Variants in PRMT3 observed in about 807,000 individuals in gnomAD.
The protein encoded by PRMT3 is protein arginine N-methyltransferase 3.
PRMT3 carries 62 observed loss-of-function variants against 71.9 expected under a neutral mutation model. That is an observed-to-expected ratio of 0.86 (90% CI 0.70 to 1.07). The LOEUF (loss-of-function observed/expected upper bound fraction) is 1.07. PRMT3 is among the 50% of genes least tolerant of loss of function. PRMT3 has a pLI of 0.00. For synonymous variants in PRMT3, 213 were observed against 220.4 expected (o/e 0.97, Z 0.30); for missense variants, 663 against 643.0 (o/e 1.03, Z -0.34).
At chr11:20,405,827 G>A (rs1849057591) in intron 8 of PRMT3, 3 of 152,012 alleles carry the variant, frequency 2.0e-5, no homozygotes, top group Admixed American at 2.0e-4. Context: ...TACAAAATTT[G>A]CCATCTTAGC....
At chr11:20,443,432 ATT>A (rs2133376095) in intron 10 of PRMT3, among the ~76,000 whole-genome samples, 1 of 152,278 alleles carries the variant, frequency 6.6e-6, no homozygotes, top group South Asian at 2.1e-4. Flanking sequence ...TTTGTCTCCT[ATT>A]TCCTCCATGT....
Position 20,388,009 on chromosome 11 carries a change from T to G in PRMT3, c.29-10T>G, listed in dbSNP as rs751247881. ...CCGAGGCCGATCTGATTGTTGTGTG[T>G]GTGTGTTAGGCGGCCGGGGCGCTGT... On this transcript the variant is annotated splice_polypyrimidine_tract_variant and intron_variant, in intron 1 of 15. Coordinates refer to ENST00000331079, the MANE Select transcript of PRMT3 (RefSeq NM_005788.4). The G allele has an allele frequency of 5.0e-6, 8 of 1,613,738 alleles. No individual in the cohort carries two copies. The highest frequency in any genetic ancestry group is 6.8e-6 in the Non-Finnish European group (8 of 1,179,946).
At chr11:20,390,073 C>A (rs1848680249) in intron 3 of PRMT3, among the ~76,000 whole-genome samples, 1 of 151,838 alleles carries the variant, frequency 6.6e-6, no homozygotes, top group Non-Finnish European at 1.5e-5. Context: ...ATTGCTTAAA[C>A]CTGGGAGGCA....
intron 15 of PRMT3, among the ~76,000 whole-genome samples, chr11:20,505,108 A>C (rs1590118824): frequency 6.6e-6 from 1 of 152,300 alleles, no homozygotes; most frequent in East Asian, 1.9e-4. Context: ...TAGAATTTTT[A>C]TACCTTGATC....
chr11:20,422,178 T>C (rs887006204), intron 9 of PRMT3, among the ~76,000 whole-genome samples: 3 of 152,212 alleles, frequency 2.0e-5, no homozygotes, highest in African/African-American at 7.2e-5. Context: ...AAGTAAGTGA[T>C]GTGTTTCCCT....
intron 11 of PRMT3, among the ~76,000 whole-genome samples, chr11:20,455,890 CTG>C (rs1190575439): frequency 1.3e-5 from 2 of 151,078 alleles, no homozygotes; most frequent in Non-Finnish European, 2.9e-5. Flanking sequence ...AAATTGTACA[CTG>C]TGAATTTCAG....
intron 10 of PRMT3, 73 bp from the exon 11 acceptor site, chr11:20,452,057 C>T (rs1009298937): frequency 4.8e-6 from 5 of 1,036,360 alleles, no homozygotes; most frequent in Non-Finnish European, 7.1e-6. Flanking sequence ...AGAGTAGCAC[C>T]GATGTTTAAA....
intron 10 of PRMT3, among the ~76,000 whole-genome samples, chr11:20,432,642 T>G (rs1032270322): frequency 9.2e-5 from 14 of 152,184 alleles, no homozygotes; most frequent in Non-Finnish European, 1.8e-4. Flanking sequence ...CTCTATACTC[T>G]TTTTCATAAT....
In PRMT3 at chr11:20,468,533, T is replaced by C. The variant is rs539137667; in HGVS notation, c.1347+3987T>C. 6.4e-4 allele frequency among the ~76,000 whole-genome samples: 98 copies of C among 152,250 alleles called. 1 individual carries two copies. The highest frequency in any genetic ancestry group is 1.2e-4 in the Non-Finnish European group (8 of 68,024). ...GCAGATGTGCGCCACCACAGCCGGC[T>C]AATTTTTGTATTTTTAGTAGAGACA... On this transcript the variant is annotated intron_variant, in intron 13 of 15. Transcript: ENST00000331079.
intron 9 of PRMT3, among the ~76,000 whole-genome samples, chr11:20,425,566 G>A (rs1326945131): frequency 2.6e-5 from 4 of 152,146 alleles, no homozygotes; most frequent in Non-Finnish European, 5.9e-5. Flanking sequence ...CTCAGCAGTA[G>A]CAAGGAACAA....
chr11:20,454,570 A>G (rs1302245214), intron 11 of PRMT3, among the ~76,000 whole-genome samples: 1 of 152,190 alleles, frequency 6.6e-6, no homozygotes, highest in African/African-American at 2.4e-5. Flanking sequence ...TAACAGAATC[A>G]AGAGAAAGAA....
chr11:20,421,702 G>C (rs1018578481), intron 9 of PRMT3, among the ~76,000 whole-genome samples: 3 of 151,962 alleles, frequency 2.0e-5, no homozygotes, highest in African/African-American at 7.3e-5. Context: ...TTGAGTCCTT[G>C]GTTATTTTTT....
chr11:20,418,522 T>C (rs1432938668), intron 9 of PRMT3, among the ~76,000 whole-genome samples: 2 of 152,204 alleles, frequency 1.3e-5, no homozygotes, highest in Non-Finnish European at 2.9e-5. Context: ...TACAAATAGG[T>C]TTATAACTTG....
intron 15 of PRMT3, among the ~76,000 whole-genome samples, chr11:20,497,512 T>TGTAA (rs10626552): frequency 0.86 from 130,007 of 151,674 alleles, 56,714 homozygotes; most frequent in Non-Finnish European, 0.95. Context: ...GAAAGGATCA[T>TGTAA]GTAAGTGTTA....
In PRMT3 at chr11:20,404,211, G is replaced by GTTTT. The variant is rs71063629; in HGVS notation, c.771+1265_771+1268dup. ...GTTACTATAGTGGAGACTTTTCATA[G>GTTTT]TTTTTTTTTTTTTTTTTTTTTTTTT... On this transcript the variant is annotated intron_variant, in intron 8 of 15. Transcript: ENST00000331079. Among the ~76,000 whole-genome samples the GTTTT allele has an allele frequency of 2.9e-4, 10 of 34,326 alleles. 1 individual carries two copies. In the East Asian group the frequency reaches 5.0e-3, roughly 17 times the overall value. The allele number at this position is 34,326 out of a possible 152,430, so 22.5% of individuals were successfully genotyped here.
At chr11:20,465,146 C>T (rs973787064) in intron 13 of PRMT3, among the ~76,000 whole-genome samples, 4 of 151,906 alleles carry the variant, frequency 2.6e-5, no homozygotes, top group African/African-American at 9.7e-5. Flanking sequence ...AATTCTGTTT[C>T]GATGACTCAT....
chr11:20,475,311 T>C, intron 13 of PRMT3, among the ~76,000 whole-genome samples: 1 of 152,224 alleles, frequency 6.6e-6, no homozygotes, highest in East Asian at 1.9e-4. Context: ...TCCCAGTTGG[T>C]TCATCACCCC....
chr11:20,487,923 A>G (rs1851116474), intron 13 of PRMT3, among the ~76,000 whole-genome samples: 1 of 152,190 alleles, frequency 6.6e-6, no homozygotes, highest in African/African-American at 2.4e-5. Flanking sequence ...TTCTATGTAG[A>G]TCAGAAATAA....
intron 9 of PRMT3, among the ~76,000 whole-genome samples, chr11:20,426,077 T>C (rs573887924): frequency 1.3e-5 from 2 of 152,348 alleles, no homozygotes; most frequent in East Asian, 3.9e-4. Flanking sequence ...ATTGCTAATC[T>C]TATGATCAAG....
Sources: gnomAD v4.1 joint callset for allele counts (sites outside exome capture counted in the v4.1 genomes callset) on GRCh38, gnomAD v4.1.1 for gene constraint, MANE v1.5 for transcripts, NCBI Gene and HGNC (gene_info 2026-07-23, HGNC 2026-07-21) for gene names.